Variants in PLCB4 observed in about 807,000 individuals in gnomAD.
The protein encoded by PLCB4 is 1-phosphatidylinositol 4,5-bisphosphate phosphodiesterase beta-4.
PLCB4 carries 77 observed loss-of-function variants against 178.8 expected under a neutral mutation model. The ratio of observed to expected loss-of-function variants is 0.43; its 90% CI spans 0.36 to 0.52. The LOEUF (loss-of-function observed/expected upper bound fraction) is 0.52. Among genes scored for constraint, PLCB4 ranks in the 20% least tolerant of loss-of-function variants. The pLI is 0.00. For missense variants in PLCB4, 1,024 were observed against 1,453.4 expected (o/e 0.70, Z 4.80); for synonymous variants, 496 against 490.8 (o/e 1.01, Z -0.14).
At chr20:9,270,925 C>T (rs1406776037) in intron 3 of PLCB4, among the ~76,000 whole-genome samples, 3 of 152,048 alleles carry the variant, frequency 2.0e-5, no homozygotes, top group Non-Finnish European at 4.4e-5. Flanking sequence ...AAAAGATGGA[C>T]TCATTTTTGG....
chr20:9,431,650 T>TTGTGTG (rs3037096), intron 28 of PLCB4, among the ~76,000 whole-genome samples: 13,451 of 144,154 alleles, frequency 0.093, 671 homozygotes, highest in Non-Finnish European at 0.13. Flanking sequence ...GTGTGTGTGT[T>TTGTGTG]TGTGTGTGTG....
intron 2 of PLCB4, among the ~76,000 whole-genome samples, chr20:9,109,142 T>G (rs2091484682): frequency 6.6e-6 from 1 of 152,192 alleles, no homozygotes. Flanking sequence ...AGCACGATCT[T>G]CAGAGCAGAG....
At chr20:9,314,005 G>C (rs2094868634) in intron 4 of PLCB4, among the ~76,000 whole-genome samples, 1 of 152,218 alleles carries the variant, frequency 6.6e-6, no homozygotes, top group South Asian at 2.1e-4. Context: ...AGTCTTGATA[G>C]GTGAGTCAGT....
Position 9,372,376 on chromosome 20 carries a change from C to A in PLCB4, c.659C>A (p.Thr220Lys). The change falls in exon 11 of 40, where the codon ACA becomes AAA. Residue 220 changes from threonine (T) to lysine (K), a missense_variant. Coordinates refer to ENST00000378473, the MANE Select transcript of PLCB4 (RefSeq NM_001377142.1). ...CTGACACAAAAGATTTGTCCTCGGA[C>A]AGATATAGAAGATCTTTTCAAAAAA... ...YELTQKICPR[T>K]DIEDLFKKIN... 6.3e-7 allele frequency: 1 copy of A among 1,589,086 alleles called. No individual in the cohort carries two copies. Among genetic ancestry groups the A allele is most frequent in the Non-Finnish European group, 8.6e-7 (1 of 1,159,082 alleles).
At chr20:9,467,267 C>T (rs989264257) in intron 35 of PLCB4, among the ~76,000 whole-genome samples, 15 of 151,940 alleles carry the variant, frequency 9.9e-5, no homozygotes, top group African/African-American at 1.7e-4. Flanking sequence ...CGTCACACAC[C>T]GGGCCTTTTG....
chr20:9,250,935 T>C (rs191632950), intron 3 of PLCB4, among the ~76,000 whole-genome samples: 35 of 152,368 alleles, frequency 2.3e-4, no homozygotes, highest in African/African-American at 8.2e-4. Flanking sequence ...ACTTTCAGAA[T>C]TAAAGAGTGT....
intron 2 of PLCB4, among the ~76,000 whole-genome samples, chr20:9,140,523 A>G (rs2092466607): frequency 6.6e-6 from 1 of 151,750 alleles, no homozygotes; most frequent in Non-Finnish European, 1.5e-5. Context: ...AAGTTGAAAT[A>G]TGATCCCGAA....
intron 3 of PLCB4, among the ~76,000 whole-genome samples, chr20:9,277,491 T>C (rs913964443): frequency 1.3e-5 from 2 of 152,012 alleles, no homozygotes; most frequent in Non-Finnish European, 2.9e-5. Context: ...AGATTAAAGA[T>C]GCACAGTATC....
At chr20:9,203,056 A>AAAAT (rs769628056) in intron 2 of PLCB4, among the ~76,000 whole-genome samples, 91 of 126,142 alleles carry the variant, frequency 7.2e-4, no homozygotes, top group Admixed American at 1.3e-3. Context: ...AAAAAAAAAA[A>AAAAT]ATATATATAT....
chr20:9,450,662 T>C (rs943364178), intron 32 of PLCB4, among the ~76,000 whole-genome samples: 6 of 140,892 alleles, frequency 4.3e-5, no homozygotes, highest in Non-Finnish European at 6.2e-5. Flanking sequence ...TCTTTTCTTT[T>C]TTTTTTTTTT....
chr20:9,317,200 T>C (rs1045209257), intron 4 of PLCB4, among the ~76,000 whole-genome samples: 3 of 152,224 alleles, frequency 2.0e-5, no homozygotes, highest in African/African-American at 7.2e-5. Flanking sequence ...ATGGTAGTAA[T>C]GAAATAATTC....
Position 9,239,467 on chromosome 20 carries a change from C to G in PLCB4, c.-16+22015C>G, listed in dbSNP as rs144961146. 1.1e-3 allele frequency among the ~76,000 whole-genome samples: 165 copies of G among 152,182 alleles called. 1 individual carries two copies. The highest frequency in any genetic ancestry group is 3.7e-3 in the African/African-American group (152 of 41,536). On this transcript the variant is annotated intron_variant, in intron 3 of 39. Coordinates refer to ENST00000378473, the MANE Select transcript of PLCB4 (RefSeq NM_001377142.1). ...CAAAGACAGATTAGCAAGAGAAAAA[C>G]GTAACAAATTTATTTAACCAAACCT...
intron 20 of PLCB4, among the ~76,000 whole-genome samples, chr20:9,402,869 G>A (rs2039139922): frequency 6.6e-6 from 1 of 152,176 alleles, no homozygotes; most frequent in Admixed American, 6.5e-5. Context: ...TTTCAAATGG[G>A]ATGACTATTT....
At chr20:9,312,172 G>A (rs2094842194) in intron 4 of PLCB4, among the ~76,000 whole-genome samples, 2 of 152,014 alleles carry the variant, frequency 1.3e-5, no homozygotes, top group Admixed American at 1.3e-4. Flanking sequence ...AATGTTTTAT[G>A]GATGACTCAC....
At chr20:9,069,892 T>C (rs940035593) in intron 1 of PLCB4, among the ~76,000 whole-genome samples, 1 of 152,206 alleles carries the variant, frequency 6.6e-6, no homozygotes, top group African/African-American at 2.4e-5. Flanking sequence ...CACTATAGTT[T>C]CCATAAATAT....
intron 32 of PLCB4, among the ~76,000 whole-genome samples, chr20:9,444,674 A>G (rs536546916): frequency 2.9e-3 from 448 of 152,308 alleles, no homozygotes; most frequent in Non-Finnish European, 4.6e-3. Context: ...AGGCAGGAGA[A>G]TCGCTTTAAC....
At chr20:9,314,823 T>G (rs2094880343) in intron 4 of PLCB4, among the ~76,000 whole-genome samples, 1 of 151,666 alleles carries the variant, frequency 6.6e-6, no homozygotes, top group Non-Finnish European at 1.5e-5. Flanking sequence ...ACAGGCTTCC[T>G]TCACTCACCC....
intron 4 of PLCB4, among the ~76,000 whole-genome samples, chr20:9,326,874 T>C (rs2030687426): frequency 6.6e-6 from 1 of 152,180 alleles, no homozygotes; most frequent in South Asian, 2.1e-4. Flanking sequence ...CTTTGTATTC[T>C]AGCTCACTGG....
At chr20:9,314,160 C>T (rs2094871106) in intron 4 of PLCB4, among the ~76,000 whole-genome samples, 1 of 152,158 alleles carries the variant, frequency 6.6e-6, no homozygotes, top group Non-Finnish European at 1.5e-5. Context: ...GGTGAAGGCA[C>T]AGAGATGGCC....
Sources: allele counts gnomAD v4.1 joint callset (sites outside exome capture counted in the v4.1 genomes callset), GRCh38; gene constraint gnomAD v4.1.1; transcripts MANE v1.5; gene names NCBI Gene and HGNC (gene_info 2026-07-23, HGNC 2026-07-21).